The following ABR variants were observed in gnomAD, a reference collection of about 807,000 sequenced individuals.
The protein encoded by ABR is ABR activator of RhoGEF and GTPase.
In ABR, 35 loss-of-function variants were observed where a neutral mutation model predicts 107.2. That is an observed-to-expected ratio of 0.33 (90% CI 0.25 to 0.43). The LOEUF (loss-of-function observed/expected upper bound fraction) is 0.43. Ranked by LOEUF, ABR falls within the 20% of genes least tolerant of loss-of-function variation. ABR has a pLI of 1.00. For missense variants in ABR, 815 were observed against 1,115.2 expected (o/e 0.73, Z 3.83); for synonymous variants, 498 against 462.0 (o/e 1.08, Z -1.00).
At chr17:1,039,630 G>GT (rs1462015005) in intron 16 of ABR, 44 of 152,806 alleles carry the variant, frequency 2.9e-4, no homozygotes, top group African/African-American at 1.0e-3. Flanking sequence ...GACAATGGCT[G>GT]CAGTCACGGG....
At chr17:1,202,238 G>C (rs944489865) in intron 1 of ABR, among the ~76,000 whole-genome samples, 1 of 151,974 alleles carries the variant, frequency 6.6e-6, no homozygotes. Context: ...ATGTTGGCTA[G>C]GCTGGTCTCC....
At chr17:1,031,059 C>T (rs1450473476) in intron 16 of ABR, among the ~76,000 whole-genome samples, 1 of 152,210 alleles carries the variant, frequency 6.6e-6, no homozygotes, top group Non-Finnish European at 1.5e-5. Flanking sequence ...GGACGGAACG[C>T]CTGGTGCCCG....
At chr17:1,076,494 C>T (rs901717860) in intron 6 of ABR, among the ~76,000 whole-genome samples, 15 of 152,054 alleles carry the variant, frequency 9.9e-5, no homozygotes, top group Admixed American at 3.9e-4. Flanking sequence ...GGGTGGGCTC[C>T]GGAGTGGCGG....
Position 1,125,300 on chromosome 17 carries a change from G to A in ABR, c.129C>T (p.Gly43=). The change falls in exon 2 of 23, where the codon GGC becomes GGT. Residue 43 remains glycine (G), a synonymous_variant. Coordinates refer to ENST00000302538, the MANE Select transcript of ABR (RefSeq NM_021962.5). The part of the protein sequence containing the change: ...GNEEQKGPPE[G]SETMPYIDES... ...CATCGATGTACGGCATGGTCTCTGA[G>A]CCCTCCGGGGGCCCCTTCTGCTCCT... The A allele has an allele frequency of 1.2e-6, 2 of 1,613,970 alleles. No homozygotes were observed. Among genetic ancestry groups the A allele is most frequent in the Non-Finnish European group, 1.7e-6 (2 of 1,179,954 alleles).
chr17:1,140,337 C>T (rs2040239849), intron 1 of ABR, among the ~76,000 whole-genome samples: 1 of 152,124 alleles, frequency 6.6e-6, no homozygotes, highest in Admixed American at 6.6e-5. Flanking sequence ...AGACTCATGG[C>T]CATCCCTGTC....
At chr17:1,178,332 G>C (rs894232550) in intron 1 of ABR, among the ~76,000 whole-genome samples, 5 of 152,072 alleles carry the variant, frequency 3.3e-5, no homozygotes, top group Non-Finnish European at 7.4e-5. Flanking sequence ...GGGAGGCTGA[G>C]GCAGGTGGAT....
chr17:1,023,024 C>G (rs1022128236), intron 16 of ABR, among the ~76,000 whole-genome samples: 1 of 145,832 alleles, frequency 6.9e-6, no homozygotes, highest in African/African-American at 2.6e-5. Flanking sequence ...GCCGGCCCCA[C>G]GTCCACTGCA....
At chr17:1,025,869 C>A (rs1015677625) in intron 16 of ABR, among the ~76,000 whole-genome samples, 2 of 152,154 alleles carry the variant, frequency 1.3e-5, no homozygotes, top group Non-Finnish European at 2.9e-5. Flanking sequence ...AGGCCTGGCA[C>A]GTGGAAGGTG....
intron 4 of ABR, among the ~76,000 whole-genome samples, chr17:1,085,417 A>G (rs887215195): frequency 1.3e-5 from 2 of 152,160 alleles, no homozygotes; most frequent in African/African-American, 2.4e-5. Context: ...CGCCCGGCCA[A>G]TTTAAACTCT....
chr17:1,132,918 C>T (rs559740583), intron 1 of ABR, among the ~76,000 whole-genome samples: 1 of 152,268 alleles, frequency 6.6e-6, no homozygotes, highest in South Asian at 2.1e-4. Flanking sequence ...GGCATAGGTA[C>T]TCACAGAAAC....
chr17:1,062,226 C>A (rs1461455325), intron 10 of ABR, among the ~76,000 whole-genome samples: 1 of 151,790 alleles, frequency 6.6e-6, no homozygotes, highest in Non-Finnish European at 1.5e-5. Flanking sequence ...GCATGTTCCT[C>A]TAGACGCTGC....
chr17:1,023,975 A>C (rs557097753), intron 16 of ABR, among the ~76,000 whole-genome samples: 9 of 133,382 alleles, frequency 6.7e-5, no homozygotes, highest in African/African-American at 2.5e-4. Context: ...CGGTGAGCCG[A>C]GATTGTGCCA....
At chr17:1,212,162 C>T (rs901028704) in intron 1 of ABR, among the ~76,000 whole-genome samples, 1 of 151,862 alleles carries the variant, frequency 6.6e-6, no homozygotes, top group Non-Finnish European at 1.5e-5. Flanking sequence ...GGCATGGTGG[C>T]TCACGCCTAT....
intron 1 of ABR, among the ~76,000 whole-genome samples, chr17:1,214,926 AGTATTGCTCTTGACCAG>A (rs1348214971): frequency 6.6e-6 from 1 of 152,110 alleles, no homozygotes; most frequent in African/African-American, 2.4e-5. Flanking sequence ...AGACCAAAAA[AGTATTGCTCTTGACCAG>A]GTGGGGTGGC....
chr17:1,145,610 A>G (rs1182315080), intron 1 of ABR, among the ~76,000 whole-genome samples: 1 of 152,200 alleles, frequency 6.6e-6, no homozygotes, highest in African/African-American at 2.4e-5. Context: ...TCCTTAGGGT[A>G]TTTATGAAAA....
intron 1 of ABR, among the ~76,000 whole-genome samples, chr17:1,164,683 T>C (rs946876771): frequency 2.0e-5 from 3 of 152,224 alleles, no homozygotes; most frequent in African/African-American, 7.2e-5. Context: ...TTTTCTTTTT[T>C]TGAGACAGGG....
intron 1 of ABR, among the ~76,000 whole-genome samples, chr17:1,212,655 C>T (rs1179779581): frequency 2.0e-5 from 3 of 152,094 alleles, no homozygotes; most frequent in African/African-American, 2.4e-5. Context: ...TTTGGGAGGC[C>T]GAGGCCAGCA....
chr17:1,117,740 ACCCTGAGCCTGAGTTCCTCCCAGCGTTAT>A (rs2039088344), intron 2 of ABR, among the ~76,000 whole-genome samples: 4 of 26,258 alleles, frequency 1.5e-4, no homozygotes, highest in Non-Finnish European at 2.2e-4. Context: ...CCCAGCGTTA[ACCCTGAGCCTGAGTTCCTCCCAGCGTTAT>A]CCCTGAGCCT....
At chr17:1,189,717 A>G (rs1039607817), upstream of ABR, among the ~76,000 whole-genome samples, 5 of 151,876 alleles carry the variant, frequency 3.3e-5, no homozygotes, top group African/African-American at 1.2e-4. Flanking sequence ...TCTTCCAGGG[A>G]GCTTTCCCGA....
Sources: gnomAD v4.1 joint callset for allele counts (sites outside exome capture counted in the v4.1 genomes callset) on GRCh38, gnomAD v4.1.1 for gene constraint, MANE v1.5 for transcripts, NCBI Gene and HGNC (gene_info 2026-07-23, HGNC 2026-07-21) for gene names.